CADPS: variants seen among roughly 807,000 people sequenced by gnomAD.
CADPS encodes the protein calcium dependent secretion activator.
In CADPS, 57 loss-of-function variants were observed where a neutral mutation model predicts 167.3. That is an observed-to-expected ratio of 0.34 (90% confidence interval 0.28 to 0.42). The LOEUF is 0.42. Ranked by LOEUF, CADPS falls within the 20% of genes least tolerant of loss-of-function variation. The pLI is 1.00. For missense variants in CADPS, 1,414 were observed against 1,738.1 expected (o/e 0.81, Z 3.32); for synonymous variants, 676 against 635.3 (o/e 1.06, Z -0.96).
chr3:62,565,629 A>C (rs1047872142), intron 9 of CADPS, among the ~76,000 whole-genome samples: 2 of 152,216 alleles, frequency 1.3e-5, no homozygotes, highest in African/African-American at 2.4e-5. Flanking sequence ...CTCTCATTGC[A>C]CAGGAATGCT....
intron 23 of CADPS, among the ~76,000 whole-genome samples, chr3:62,475,593 A>AAC (rs1255078997): frequency 7.0e-6 from 1 of 142,638 alleles, no homozygotes; most frequent in African/African-American, 2.6e-5. Flanking sequence ...AGAAAAAAAA[A>AAC]AAAAAAAAAA....
intron 26 of CADPS, among the ~76,000 whole-genome samples, chr3:62,463,010 G>T (rs2059548809): frequency 6.6e-6 from 1 of 152,182 alleles, no homozygotes; most frequent in African/African-American, 2.4e-5. Context: ...TCACTAAGGA[G>T]GGAAGTTACG....
chr3:62,592,560 C>T (rs1203902871), intron 7 of CADPS, 77 bp downstream of exon 7: 1 of 1,071,108 alleles, frequency 9.3e-7, no homozygotes, highest in East Asian at 2.4e-5. Context: ...AATGCTGCCT[C>T]TTGGTGACCT....
intron 6 of CADPS, among the ~76,000 whole-genome samples, chr3:62,596,826 G>T (rs1483169571): frequency 1.3e-5 from 2 of 152,050 alleles, no homozygotes; most frequent in East Asian, 3.9e-4. Context: ...ACAGATGAAT[G>T]GTAAAATAGC....
At chr3:62,647,632 G>A (rs79850612) in intron 5 of CADPS, among the ~76,000 whole-genome samples, 88 of 152,242 alleles carry the variant, frequency 5.8e-4, no homozygotes, top group Non-Finnish European at 9.8e-4. Flanking sequence ...TGTTGTGTGA[G>A]GATCAAATGA....
At chr3:62,483,089 T>C (rs2062250785) in intron 21 of CADPS, among the ~76,000 whole-genome samples, 1 of 152,048 alleles carries the variant, frequency 6.6e-6, no homozygotes, top group African/African-American at 2.4e-5. Context: ...CCAAAGTCAC[T>C]GGCACGGTAG....
At chr3:62,754,276 G>A (rs145190371) in intron 2 of CADPS, among the ~76,000 whole-genome samples, 16 of 152,164 alleles carry the variant, frequency 1.1e-4, no homozygotes, top group African/African-American at 3.1e-4. Flanking sequence ...AGGCTCAAGC[G>A]ACCTCCAGCT....
In CADPS at chr3:62,412,039, G is replaced by T. The variant is rs966081196; in HGVS notation, c.3778-8854C>A. Among the ~76,000 whole-genome samples the T allele has an allele frequency of 3.3e-5, 5 of 151,974 alleles. No individual in the cohort carries two copies. The highest frequency in any genetic ancestry group is 7.4e-5 in the Non-Finnish European group (5 of 68,012). On this transcript the variant is annotated intron_variant, in intron 28 of 29. Transcript: ENST00000383710. The surrounding 1 kb of genome is among the most constrained non-coding windows in gnomAD (Gnocchi z 4.1). Reference sequence around the variant, plus strand: ...CACAAAGCTATAATCAGACACCAAAGCTATAATCAGACACCGAAGCTCTAA... The same window carrying T: ...CACAAAGCTATAATCAGACACCAAATCTATAATCAGACACCGAAGCTCTAA...
rs72887760 is a variant in CADPS at position 62,492,457 on chromosome 3, T to A, written c.2728-11A>T. On this transcript the variant is annotated splice_polypyrimidine_tract_variant and intron_variant, in intron 19 of 29. Transcript: ENST00000383710. The stretch of plus-strand genomic sequence containing the variant: ...CCACCACGCAAAGGCCTTTAAAATT[T>A]GGCAGAAAAACAATAGACAAAGAAG... 3,450 of 1,610,932 alleles carry A rather than the reference T, an allele frequency of 2.1e-3. 54 individuals are homozygous for A. In the African/African-American group the frequency reaches 0.036, roughly 17 times the overall value.
intron 3 of CADPS, among the ~76,000 whole-genome samples, chr3:62,732,774 T>C (rs1327804505): frequency 2.0e-5 from 3 of 152,194 alleles, no homozygotes; most frequent in African/African-American, 7.2e-5. Context: ...TCTGTACTTT[T>C]CCTGTGGTTG....
chr3:62,860,347 A>G (rs765666912), intron 1 of CADPS, among the ~76,000 whole-genome samples: 1 of 152,186 alleles, frequency 6.6e-6, no homozygotes, highest in East Asian at 1.9e-4. Context: ...TATTCTCTTA[A>G]GAGAGCTATA....
intron 3 of CADPS, among the ~76,000 whole-genome samples, chr3:62,731,030 A>G (rs1017782000): frequency 1.3e-5 from 2 of 152,208 alleles, no homozygotes; most frequent in African/African-American, 2.4e-5. Context: ...GAAACAAGAC[A>G]TGCTCATTCC....
intron 4 of CADPS, among the ~76,000 whole-genome samples, chr3:62,658,672 G>T (rs547642295): frequency 6.6e-6 from 1 of 152,136 alleles, no homozygotes; most frequent in Non-Finnish European, 1.5e-5. Flanking sequence ...TACATCTGGA[G>T]TGCTTCCCAA....
intron 3 of CADPS, among the ~76,000 whole-genome samples, chr3:62,699,724 A>G (rs1260030620): frequency 1.3e-5 from 2 of 151,966 alleles, no homozygotes; most frequent in African/African-American, 4.8e-5. Flanking sequence ...ATCTGCCACC[A>G]CACCCGGCTA....
chr3:62,444,242 T>C (rs2056843552), intron 27 of CADPS, among the ~76,000 whole-genome samples: 1 of 152,314 alleles, frequency 6.6e-6, no homozygotes, highest in African/African-American at 2.4e-5. Flanking sequence ...TGAAGACCAG[T>C]GGAGCCCAAC....
rs140715688 is a variant in CADPS, at chr3:62,548,780, T to C, written c.1966+1123A>G. On this transcript the variant is annotated intron_variant, in intron 11 of 29. Coordinates refer to ENST00000383710, the MANE Select transcript of CADPS (RefSeq NM_003716.4). ...GCAATTCTCTTTCCTCAAATATCTG[T>C]GGGGCTGACTACCTATCCTTTGAAC... Among the ~76,000 whole-genome samples, 609 of 152,366 alleles carry C rather than the reference T, an allele frequency of 4.0e-3. 18 individuals carry two copies. The East Asian group carries it at 0.044, about 11-fold the overall frequency.
At chr3:62,736,419 G>C (rs972823790) in intron 3 of CADPS, among the ~76,000 whole-genome samples, 11 of 152,196 alleles carry the variant, frequency 7.2e-5, no homozygotes, top group African/African-American at 2.4e-4. Flanking sequence ...TTATAGGTGA[G>C]ACATCCACAG....
At chr3:62,556,710 G>T (rs896143022) in intron 10 of CADPS, among the ~76,000 whole-genome samples, 2 of 151,826 alleles carry the variant, frequency 1.3e-5, no homozygotes. Flanking sequence ...TAAAATGGGT[G>T]GGGGGAGAGG....
chr3:62,585,716 T>G (rs1400698629), intron 7 of CADPS, among the ~76,000 whole-genome samples: 3 of 152,250 alleles, frequency 2.0e-5, no homozygotes, highest in Admixed American at 1.3e-4. Flanking sequence ...TTTTCTCCAT[T>G]CTTTAGGATT....
Sources: gnomAD v4.1 joint callset for allele counts (sites outside exome capture counted in the v4.1 genomes callset) on GRCh38, gnomAD v4.1.1 for gene constraint, Gnocchi (gnomAD v3.1) non-coding constraint, MANE v1.5 for transcripts, NCBI Gene and HGNC (gene_info 2026-07-23, HGNC 2026-07-21) for gene names.